FGL1: variants seen among roughly 807,000 people sequenced by gnomAD.
FGL1 encodes the protein fibrinogen-like protein 1.
Under a neutral mutation model 43.7 loss-of-function variants are expected in FGL1, and 59 were observed. The ratio of observed to expected loss-of-function variants is 1.35; its 90% CI spans 1.10 to 1.68. The LOEUF (loss-of-function observed/expected upper bound fraction) is 1.68. FGL1 is among the 40% of genes most tolerant of loss of function. The pLI, the probability that FGL1 is intolerant of heterozygous loss-of-function variation, is 0.00. For synonymous variants in FGL1, 192 were observed against 126.5 expected, an observed-to-expected ratio of 1.52 and a Z score of -3.48; for missense variants, 596 against 373.0, an observed-to-expected ratio of 1.60 and a Z score of -4.92.
At chr8:17,873,918 C>T in intron 5 of FGL1, 101 bp downstream of exon 5, 1 of 689,842 alleles carries the variant, frequency 1.4e-6, no homozygotes, top group Non-Finnish European at 2.2e-6. Context: ...CAAATCATAG[C>T]AATTATTGAA....
chr8:17,867,086 C>A (rs1050352198), intron 7 of FGL1, among the ~76,000 whole-genome samples: 4 of 151,982 alleles, frequency 2.6e-5, no homozygotes. Flanking sequence ...TTTAAAAAAG[C>A]AAAATATAGA....
intron 2 of FGL1, among the ~76,000 whole-genome samples, chr8:17,883,469 T>G (rs1185097755): frequency 7.9e-6 from 1 of 127,020 alleles, no homozygotes; most frequent in African/African-American, 3.1e-5. Context: ...ATATAATATA[T>G]AAATATAAAT....
At chr8:17,865,661 T>A (rs1195744582) in intron 7 of FGL1, among the ~76,000 whole-genome samples, 1 of 152,378 alleles carries the variant, frequency 6.6e-6, no homozygotes, top group East Asian at 1.9e-4. Context: ...TTGATATGTA[T>A]AATTTACATG....
chr8:17,884,267 C>G (rs377161765), intron 2 of FGL1, among the ~76,000 whole-genome samples: 8 of 151,976 alleles, frequency 5.3e-5, no homozygotes, highest in African/African-American at 1.9e-4. Flanking sequence ...TCTCGGCTCC[C>G]TGCAACCTCT....
rs1303263288 is a variant in FGL1 at position 17,875,513 on chromosome 8, TTCTTTCTTTCTTTCTTTCTTTC to T, written c.245-1014_245-993del. Among the ~76,000 whole-genome samples the T allele has an allele frequency of 1.1e-3, 9 of 8,562 alleles. 2 individuals are homozygous for T. The highest frequency in any genetic ancestry group is 4.1e-3 in the South Asian group (2 of 484). The allele number at this position is 8,562 out of a possible 152,430, so 5.6% of individuals were successfully genotyped here. A position where few individuals can be genotyped will look rare whatever the true frequency, so the allele number is the denominator to read the frequency against. Reference sequence around the variant, plus strand: ...TTTCTTTCTTTCTTTCTTTCTTTCTTTCTTTCTTTCTTTCTTTCTTTCTCTTTCTTTCTTTCTTTCTTTCTTT... The same window carrying T: ...TTTCTTTCTTTCTTTCTTTCTTTCTTTCTTTCTTTCTTTCTTTCTTTCTTT... On this transcript the variant is annotated intron_variant, in intron 3 of 7. Coordinates refer to ENST00000427924, the MANE Select transcript of FGL1 (RefSeq NM_004467.4).
chr8:17,867,069 A>C (rs2053279501), intron 7 of FGL1, among the ~76,000 whole-genome samples: 1 of 152,190 alleles, frequency 6.6e-6, no homozygotes, highest in Non-Finnish European at 1.5e-5. Context: ...ATGGACTCAA[A>C]TGTTTTTTTA....
At chr8:17,886,560 C>G (rs551968159) in intron 1 of FGL1, among the ~76,000 whole-genome samples, 34 of 152,148 alleles carry the variant, frequency 2.2e-4, no homozygotes, top group Admixed American at 2.0e-3. Context: ...GAGCTCGAGA[C>G]CAGCCTGGTC....
intron 3 of FGL1, among the ~76,000 whole-genome samples, chr8:17,875,349 A>G (rs905688865): frequency 6.6e-6 from 1 of 152,124 alleles, no homozygotes; most frequent in African/African-American, 2.4e-5. Flanking sequence ...AAAAGTCCAT[A>G]CATTCTTAGA....
Position 17,868,583 on chromosome 8 carries a change from G to C in FGL1, c.744C>G (p.Cys248Trp), listed in dbSNP as rs138442840. ...DRDHDNYEGN[C>W]AEEDQSGWWF... ...ACCAGCCAGACTGATCTTCTTCTGC[G>C]CAGTTCCCTTCATAGTTGTCATGAT... The change falls in exon 7 of 8, where the codon TGC becomes TGG. Residue 248 changes from cysteine (C) to tryptophan (W), a missense_variant. Physicochemically the swap from Cys to Trp is radical, Grantham distance 215. Transcript: ENST00000427924. 5 of 1,613,448 alleles carry C rather than the reference G, an allele frequency of 3.1e-6. No homozygotes were observed. In the Admixed American group the frequency reaches 8.4e-5, roughly 27 times the overall value.
rs371685544 is a variant in FGL1, at chr8:17,867,284, C to G, written c.779+1264G>C. Among the ~76,000 whole-genome samples, 29 of 152,102 alleles carry G rather than the reference C, an allele frequency of 1.9e-4. No homozygotes were observed. The East Asian group carries it at 5.0e-3, about 26-fold the overall frequency. On this transcript the variant is annotated intron_variant, in intron 7 of 7. Transcript: ENST00000427924. ...AGCAGATAAAGAAAATAAAATTTAC[C>G]AAACTGAAAGACATGATATAGATTC... is the stretch of plus-strand genomic sequence containing the variant.
chr8:17,886,129 A>T (rs1356855647), intron 1 of FGL1, among the ~76,000 whole-genome samples: 1 of 152,174 alleles, frequency 6.6e-6, no homozygotes, highest in African/African-American at 2.4e-5. Context: ...GACCCCAATA[A>T]CTGTTGTTGC....
intron 3 of FGL1, among the ~76,000 whole-genome samples, chr8:17,876,035 T>C (rs17125783): frequency 0.013 from 2,019 of 152,266 alleles, 53 homozygotes; most frequent in African/African-American, 0.047. Context: ...TTCAGATGCA[T>C]AGAAAGCTAG....
At chr8:17,889,248 T>C (rs1270629947) in intron 1 of FGL1, among the ~76,000 whole-genome samples, 1 of 152,184 alleles carries the variant, frequency 6.6e-6, no homozygotes, top group Non-Finnish European at 1.5e-5. Context: ...TGGGCATCAC[T>C]AAACACTCTG....
chr8:17,882,359 A>ATTAT, intron 2 of FGL1, 180 bp from the exon 3 acceptor site: 1 of 531,030 alleles, frequency 1.9e-6, no homozygotes. Flanking sequence ...AGAATTGGAA[A>ATTAT]TTATGGCTTA....
At chr8:17,883,661 TA>T (rs1252522970) in intron 2 of FGL1, among the ~76,000 whole-genome samples, 1 of 145,972 alleles carries the variant, frequency 6.9e-6, no homozygotes, top group Non-Finnish European at 1.5e-5. Flanking sequence ...AATACATTTA[TA>T]TTTATATAGT....
intron 5 of FGL1, among the ~76,000 whole-genome samples, chr8:17,873,814 C>T (rs971958437): frequency 9.3e-5 from 14 of 150,834 alleles, no homozygotes; most frequent in Admixed American, 2.0e-4. Flanking sequence ...AACAATTCCC[C>T]GCAACCCAAT....
At chr8:17,876,693 G>A (rs919681216) in intron 3 of FGL1, among the ~76,000 whole-genome samples, 1 of 152,070 alleles carries the variant, frequency 6.6e-6, no homozygotes, top group African/African-American at 2.4e-5. Context: ...GAAGCTTTTT[G>A]CTTACATTAA....
chr8:17,886,651 G>A (rs1270466138), intron 1 of FGL1, among the ~76,000 whole-genome samples: 6 of 152,062 alleles, frequency 3.9e-5, no homozygotes, highest in African/African-American at 1.2e-4. Flanking sequence ...CCAGCCACTC[G>A]GGAGGCTGAG....
Position 17,882,197 on chromosome 8 carries a change from T to C in FGL1, c.64-18A>G. ...TCGAGCGCCTGCAAAACAGGTGAGA[T>C]GAGATGAGTATGCACCTCATTTTCA... is the stretch of plus-strand genomic sequence containing the variant. On this transcript the variant is annotated intron_variant, in intron 2 of 7. Coordinates refer to ENST00000427924, the MANE Select transcript of FGL1 (RefSeq NM_004467.4). 1 of 1,609,090 alleles carries C rather than the reference T, an allele frequency of 6.2e-7. No individual in the cohort carries two copies. The highest frequency in any genetic ancestry group is 8.5e-7 in the Non-Finnish European group (1 of 1,178,096).
Sources: allele counts gnomAD v4.1 joint callset (sites outside exome capture counted in the v4.1 genomes callset), GRCh38; gene constraint gnomAD v4.1.1; transcripts MANE v1.5; gene names NCBI Gene and HGNC (gene_info 2026-07-23, HGNC 2026-07-21).